The following PDE6C variants were observed in gnomAD, a reference collection of about 807,000 sequenced individuals.
PDE6C encodes phosphodiesterase 6C, also known as cone cGMP-specific 3',5'-cyclic phosphodiesterase subunit alpha'.
In PDE6C, 75 loss-of-function variants were observed where a neutral mutation model predicts 113.1. The observed-to-expected ratio is 0.66, with a 90% CI of 0.55 to 0.80. PDE6C has a LOEUF of 0.80. PDE6C is among the 30% of genes least tolerant of loss of function. PDE6C has a pLI of 0.00. For missense variants in PDE6C, 912 were observed against 1,038.6 expected, an observed-to-expected ratio of 0.88 and a Z score of 1.67; for synonymous variants, 375 against 363.7, an observed-to-expected ratio of 1.03 and a Z score of -0.35.
At chr10:93,636,888 C>T in intron 10 of PDE6C, 107 bp from the exon 11 acceptor site, 1 of 721,902 alleles carries the variant, frequency 1.4e-6, no homozygotes, top group Non-Finnish European at 2.5e-6. Context: ...CCGCCTCTTC[C>T]TCCCACATAT....
At position 93,613,122 on chromosome 10, in the gene PDE6C, G is replaced by T; in HGVS notation, c.397G>T (p.Glu133Ter). Residue 133 changes from glutamate (E) to a stop codon, truncating the protein, a stop_gained, in exon 1 of 22, where the codon GAA becomes TAA. Transcript: ENST00000371447. LOFTEE classifies it high-confidence loss of function. Reference protein sequence around the residue: ...FEDNLVGPDKEVVFPLDIGIV... With the variant: ...FEDNLVGPDK ...GGACAACCTGGTGGGCCCTGACAAA[G>T]AAGTTGTGTTTCCATTGGACATTGG... is the stretch of plus-strand genomic sequence containing the variant. 1 of 1,614,218 alleles carries T rather than the reference G, an allele frequency of 6.2e-7. No homozygotes were observed. Among genetic ancestry groups the T allele is most frequent in the South Asian group, 1.1e-5 (1 of 91,078 alleles).
chr10:93,633,576 G>A (rs1420622224), intron 8 of PDE6C, among the ~76,000 whole-genome samples: 1 of 151,776 alleles, frequency 6.6e-6, no homozygotes. Context: ...TGCATCCCTC[G>A]ACTAGACCCT....
chr10:93,631,846 T>C (rs2058503286), intron 8 of PDE6C, among the ~76,000 whole-genome samples: 1 of 152,248 alleles, frequency 6.6e-6, no homozygotes. Context: ...ACTATGTTTC[T>C]TGGGGGCATA....
At chr10:93,651,699 T>C (rs930522074) in intron 15 of PDE6C, among the ~76,000 whole-genome samples, 4 of 152,232 alleles carry the variant, frequency 2.6e-5, no homozygotes, top group African/African-American at 9.6e-5. Context: ...GCAAAGCCCA[T>C]GAAGCTCCAG....
Position 93,625,608 on chromosome 10 carries a change from G to A in PDE6C, c.898G>A (p.Glu300Lys), listed in dbSNP as rs1241033540. ...CGATGAATGGCCAATCAAGCTTGGAGAAGTAGAGCCTTATAAAGGTCCAAA... is the reference window on the plus strand; with the variant it reads ...CGATGAATGGCCAATCAAGCTTGGAAAAGTAGAGCCTTATAAAGGTCCAAA... ...FYDEWPIKLG[E>K]VEPYKGPKTP... The change falls in exon 5 of 22, where the codon GAA becomes AAA. Residue 300 changes from glutamate to lysine, a missense_variant. Coordinates refer to ENST00000371447, the MANE Select transcript of PDE6C (RefSeq NM_006204.4). The A allele has an allele frequency of 2.5e-6, 4 of 1,613,718 alleles. No homozygotes were observed. Among genetic ancestry groups the A allele is most frequent in the Non-Finnish European group, 3.4e-6 (4 of 1,179,742 alleles).
intron 11 of PDE6C, among the ~76,000 whole-genome samples, 172 bp from the exon 12 acceptor site, chr10:93,639,898 G>A (rs1488032994): frequency 2.0e-5 from 3 of 152,178 alleles, no homozygotes; most frequent in African/African-American, 4.8e-5. Context: ...TAGGCCTGCC[G>A]TTAGCATAAT....
intron 4 of PDE6C, among the ~76,000 whole-genome samples, chr10:93,625,163 A>G (rs553068174): frequency 6.6e-6 from 1 of 152,292 alleles, no homozygotes; most frequent in East Asian, 1.9e-4. Flanking sequence ...TAGCAAGGAA[A>G]AGACAGAGAA....
At chr10:93,641,491 G>A (rs922851378) in intron 14 of PDE6C, among the ~76,000 whole-genome samples, 3 of 151,970 alleles carry the variant, frequency 2.0e-5, no homozygotes, top group African/African-American at 7.3e-5. Context: ...TTAGTCGGAT[G>A]TGGCACACCT....
intron 8 of PDE6C, among the ~76,000 whole-genome samples, chr10:93,630,024 C>T (rs4919340): frequency 6.6e-6 from 1 of 151,994 alleles, no homozygotes; most frequent in Non-Finnish European, 1.5e-5. Flanking sequence ...GGCTGGCTAC[C>T]TCCTACATCC....
Position 93,665,391 on chromosome 10 carries a change from A to AAAG in PDE6C, c.2551_2553dup (p.Lys851dup). 1 of 1,609,758 alleles carries AAAG rather than the reference A, an allele frequency of 6.2e-7. No individual in the cohort carries two copies. Among genetic ancestry groups the AAAG allele is most frequent in the Non-Finnish European group, 8.5e-7 (1 of 1,176,164 alleles). On this transcript the variant is annotated inframe_insertion, in exon 22 of 22. Transcript: ENST00000371447. ...AAGATTCAGGAGGTGGTGATGACAA[A>AAAG]AAGTCCAAAACATGTTTAATGTTGT...
chr10:93,622,272 G>C (rs2058450348), intron 4 of PDE6C, among the ~76,000 whole-genome samples, 200 bp downstream of exon 4: 1 of 147,054 alleles, frequency 6.8e-6, no homozygotes. Context: ...TAGTAATATG[G>C]GTTTTCAGCA....
chr10:93,619,988 C>A (rs1475089920), intron 1 of PDE6C, among the ~76,000 whole-genome samples: 3 of 152,042 alleles, frequency 2.0e-5, no homozygotes, highest in Non-Finnish European at 2.9e-5. Context: ...CATTGGTCTT[C>A]AGGGAAGTCC....
rs975118938 is a variant in PDE6C at position 93,659,155 on chromosome 10, G to A, written c.2196G>A (p.Glu732=). ...CDLSAITKPW[E]VQSQVALMVA... is the part of the protein sequence containing the mutation. ...TGTCTGCTATTACCAAGCCCTGGGAGGTGCAAAGTCAGGTGAGTCCAGTTA... is the reference window on the plus strand; with the variant it reads ...TGTCTGCTATTACCAAGCCCTGGGAAGTGCAAAGTCAGGTGAGTCCAGTTA... Residue 732 remains glutamate (E), a synonymous_variant, in exon 18 of 22, where the codon GAG becomes GAA. Coordinates refer to ENST00000371447, the MANE Select transcript of PDE6C (RefSeq NM_006204.4). 6.8e-6 allele frequency: 11 copies of A among 1,609,936 alleles called. No homozygotes were observed. The highest frequency in any genetic ancestry group is 4.0e-5 in the African/African-American group (3 of 74,772).
rs1163730440 is a variant in PDE6C, at chr10:93,665,906, CTG to C, written c.*492_*493del. On this transcript the variant is annotated 3_prime_UTR_variant, in exon 22 of 22. Coordinates refer to ENST00000371447, the MANE Select transcript of PDE6C (RefSeq NM_006204.4). ...TTCACATGGTCTTCCCTCTGTGTGT[CTG>C]TGTCCTAATCTCCTTTTCTTATAAG... is the stretch of plus-strand genomic sequence containing the variant. 7.0e-5 allele frequency: 15 copies of C among 214,240 alleles called. 1 individual carries two copies. The Admixed American group carries it at 7.0e-4, about 10-fold the overall frequency. 13.3% of individuals were successfully genotyped at this position (214,240 alleles called of 1,614,324 possible). A position where few individuals can be genotyped will look rare whatever the true frequency, so the allele number is the denominator to read the frequency against.
At chr10:93,635,740 A>G in intron 10 of PDE6C, 100 bp downstream of exon 10, 6 of 1,254,368 alleles carry the variant, frequency 4.8e-6, no homozygotes, top group African/African-American at 1.5e-5. Context: ...CAAATGGTTT[A>G]CTCCTGGGCT....
chr10:93,635,566 A>G lies in PDE6C; in HGVS notation c.1339A>G (p.Asn447Asp), dbSNP rs139309656. 3.3e-4 allele frequency: 525 copies of G among 1,613,666 alleles called. No homozygotes were observed. The highest frequency in any genetic ancestry group is 5.0e-4 in the Admixed American group (30 of 60,018). Reference protein sequence around the residue: ...DTYDKMNKLENRKDIAQEMLM... With the variant: ...DTYDKMNKLEDRKDIAQEMLM... The stretch of plus-strand genomic sequence containing the variant: ...CTACGATAAGATGAATAAGCTAGAA[A>G]ACAGAAAGGACATTGCTCAGGAAAT... The change falls in exon 10 of 22, where the codon AAC (asparagine) becomes GAC (aspartate). Residue 447 changes from asparagine to aspartate, a missense_variant. By Grantham distance (23) the Asn-to-Asp change is conservative (BLOSUM62 1). Coordinates refer to ENST00000371447, the MANE Select transcript of PDE6C (RefSeq NM_006204.4).
At chr10:93,641,068 G>A (rs1487365081) in intron 14 of PDE6C, 39 bp downstream of exon 14, 2 of 1,219,240 alleles carry the variant, frequency 1.6e-6, no homozygotes, top group Non-Finnish European at 2.4e-6. Context: ...CGTATTGGTG[G>A]ACATTGGAAA....
rs1303410846 is a variant in PDE6C at position 93,658,903 on chromosome 10, A to G, written c.2039A>G (p.Lys680Arg). The G allele has an allele frequency of 6.3e-7, 1 of 1,589,430 alleles. No individual in the cohort carries two copies. The highest frequency in any genetic ancestry group is 8.6e-7 in the Non-Finnish European group (1 of 1,157,880). The change falls in exon 17 of 22, where the codon AAG becomes AGG. Residue 680 changes from lysine to arginine, a missense_variant and splice_region_variant. Lys to Arg is a conservative substitution (Grantham distance 26). Transcript: ENST00000371447. Reference protein sequence around the residue: ...IATDLALYFKKRTMFQKIVDA... With the variant: ...IATDLALYFKRRTMFQKIVDA... ...GCTCACAGCTGTATCTTTTCTAGGA[A>G]GAGGACCATGTTTCAAAAAATTGTT...
intron 3 of PDE6C, 145 bp downstream of exon 3, chr10:93,621,125 T>C: frequency 1.5e-6 from 1 of 675,162 alleles, no homozygotes; most frequent in East Asian, 2.7e-5. Flanking sequence ...ACGTGTCCTC[T>C]CATGATCTTC....
Sources: allele counts gnomAD v4.1 joint callset (sites outside exome capture counted in the v4.1 genomes callset), GRCh38; gene constraint gnomAD v4.1.1; transcripts MANE v1.5; gene names NCBI Gene and HGNC (gene_info 2026-07-23, HGNC 2026-07-21).